PRKCE: variants seen among roughly 807,000 people sequenced by gnomAD.
PRKCE encodes protein kinase C epsilon type.
PRKCE carries 16 observed loss-of-function variants against 85.4 expected under a neutral mutation model. The ratio of observed to expected loss-of-function variants is 0.19; its 90% confidence interval spans 0.13 to 0.28. The LOEUF is 0.28. PRKCE is among the 10% of genes least tolerant of loss of function. The pLI is 1.00. For missense variants in PRKCE, 573 were observed against 975.2 expected, an observed-to-expected ratio of 0.59 and a Z score of 5.49; for synonymous variants, 388 against 371.5, an observed-to-expected ratio of 1.04 and a Z score of -0.51.
intron 1 of PRKCE, among the ~76,000 whole-genome samples, chr2:45,775,322 T>G (rs58080355): frequency 0.039 from 5,963 of 152,208 alleles, 375 homozygotes; most frequent in African/African-American, 0.14. Context: ...CACAAGTGTA[T>G]GCGGAAAGGG....
chr2:46,084,051 A>G (rs188448316), intron 10 of PRKCE, among the ~76,000 whole-genome samples: 67 of 152,262 alleles, frequency 4.4e-4, no homozygotes, highest in African/African-American at 1.6e-3. Flanking sequence ...AATTTTTGAA[A>G]TGAGGATTTG....
intron 14 of PRKCE, among the ~76,000 whole-genome samples, chr2:46,181,810 G>C (rs1204500024): frequency 1.3e-5 from 2 of 152,168 alleles, no homozygotes; most frequent in African/African-American, 4.8e-5. Flanking sequence ...GGAGGGAGCT[G>C]GGGATGATTC....
At chr2:45,893,596 A>C (rs955127109) in intron 2 of PRKCE, among the ~76,000 whole-genome samples, 6 of 151,654 alleles carry the variant, frequency 4.0e-5, no homozygotes, top group African/African-American at 1.5e-4. Context: ...TCCTGACCTC[A>C]GGCAATCCGC....
intron 2 of PRKCE, among the ~76,000 whole-genome samples, chr2:45,849,708 G>A (rs1419474704): frequency 2.0e-5 from 3 of 152,114 alleles, no homozygotes; most frequent in Non-Finnish European, 4.4e-5. Flanking sequence ...AGTGCACGGA[G>A]CCCAGAAAAC....
At chr2:45,744,654 C>G (rs1682993561) in intron 1 of PRKCE, among the ~76,000 whole-genome samples, 1 of 151,460 alleles carries the variant, frequency 6.6e-6, no homozygotes, top group South Asian at 2.1e-4. Flanking sequence ...GTCACCCAGG[C>G]TGGAGTGCAG....
intron 1 of PRKCE, among the ~76,000 whole-genome samples, chr2:45,725,236 G>A (rs1210796369): frequency 6.6e-6 from 1 of 152,124 alleles, no homozygotes; most frequent in Admixed American, 6.5e-5. Flanking sequence ...TTTACAGCAT[G>A]GTTTACTGAA....
intron 11 of PRKCE, among the ~76,000 whole-genome samples, chr2:46,103,246 TC>T (rs1161481147): frequency 6.6e-6 from 1 of 152,236 alleles, no homozygotes; most frequent in African/African-American, 2.4e-5. Flanking sequence ...CATACCCCCA[TC>T]ATTGTGGAGT....
At chr2:45,963,509 A>G (rs192940630) in intron 2 of PRKCE, among the ~76,000 whole-genome samples, 3 of 152,222 alleles carry the variant, frequency 2.0e-5, no homozygotes, top group Admixed American at 2.0e-4. Flanking sequence ...GGGTTTCGCC[A>G]TGTTGGCCAG....
intron 1 of PRKCE, among the ~76,000 whole-genome samples, chr2:45,689,278 T>C (rs950978414): frequency 2.6e-5 from 4 of 152,162 alleles, no homozygotes; most frequent in Non-Finnish European, 4.4e-5. Context: ...CTTATTTAAC[T>C]GGGGAACAGA....
At chr2:45,977,532 G>C (rs1253073881) in intron 3 of PRKCE, among the ~76,000 whole-genome samples, 2 of 152,002 alleles carry the variant, frequency 1.3e-5, no homozygotes, top group East Asian at 3.9e-4. Flanking sequence ...AGCTACTTGG[G>C]AGGCTGAAAC....
intron 6 of PRKCE, among the ~76,000 whole-genome samples, chr2:45,999,779 T>C (rs2104714962): frequency 6.6e-6 from 1 of 152,326 alleles, no homozygotes; most frequent in East Asian, 1.9e-4. Context: ...CACCCAATCC[T>C]TGGATATTTT....
intron 1 of PRKCE, among the ~76,000 whole-genome samples, chr2:45,736,353 T>C (rs1402809733): frequency 6.6e-6 from 1 of 152,166 alleles, no homozygotes; most frequent in Non-Finnish European, 1.5e-5. Context: ...TATTACATGA[T>C]AGGCGGGAGT....
At chr2:45,948,715 A>G (rs1700408478) in intron 2 of PRKCE, among the ~76,000 whole-genome samples, 1 of 151,936 alleles carries the variant, frequency 6.6e-6, no homozygotes, top group Non-Finnish European at 1.5e-5. Flanking sequence ...TTGTTGGGGG[A>G]TTCCTGCTCT....
intron 2 of PRKCE, among the ~76,000 whole-genome samples, chr2:45,941,342 T>C (rs763968636): frequency 1.3e-4 from 20 of 152,276 alleles, no homozygotes; most frequent in African/African-American, 3.1e-4. Context: ...TCAACAAATA[T>C]TGGATGGACA....
At chr2:45,925,891 T>C (rs965608023) in intron 2 of PRKCE, among the ~76,000 whole-genome samples, 2 of 152,114 alleles carry the variant, frequency 1.3e-5, no homozygotes, top group African/African-American at 2.4e-5. Context: ...GCAGATAAAA[T>C]ATTGGGGTAG....
At chr2:45,833,910 TAGAC>T (rs1171491385) in intron 1 of PRKCE, among the ~76,000 whole-genome samples, 3 of 152,238 alleles carry the variant, frequency 2.0e-5, no homozygotes, top group African/African-American at 7.2e-5. Flanking sequence ...TCTCTCAAAG[TAGAC>T]AGGCAGACTG....
At chr2:45,851,016 A>G (rs1034990931) in intron 2 of PRKCE, among the ~76,000 whole-genome samples, 2 of 152,224 alleles carry the variant, frequency 1.3e-5, no homozygotes, top group African/African-American at 4.8e-5. Flanking sequence ...GCTGTTGGGT[A>G]GCTACTGGTA....
intron 12 of PRKCE, among the ~76,000 whole-genome samples, chr2:46,146,958 G>C (rs1463434484): frequency 6.6e-6 from 1 of 152,178 alleles, no homozygotes; most frequent in Admixed American, 6.5e-5. Flanking sequence ...GTGGAGGAGA[G>C]TCCTAGTCAG....
intron 10 of PRKCE, among the ~76,000 whole-genome samples, chr2:46,049,837 A>G (rs895172323): frequency 1.3e-5 from 2 of 152,162 alleles, no homozygotes; most frequent in Non-Finnish European, 2.9e-5. Context: ...AGTTGATTTC[A>G]TGTAATTTAC....
Sources: allele counts gnomAD v4.1 joint callset (sites outside exome capture counted in the v4.1 genomes callset), GRCh38; gene constraint gnomAD v4.1.1; transcripts MANE v1.5; gene names NCBI Gene and HGNC (gene_info 2026-07-23, HGNC 2026-07-21).